C12orf42: variants seen among roughly 807,000 people sequenced by gnomAD.
C12orf42 encodes uncharacterized protein C12orf42.
Under a neutral mutation model 21.6 loss-of-function variants are expected in C12orf42, and 25 were observed. The observed-to-expected ratio is 1.16, with a 90% CI of 0.84 to 1.62. The LOEUF is 1.62. C12orf42 is among the 40% of genes most tolerant of loss of function. C12orf42 has a pLI of 0.00. For missense variants in C12orf42, 483 were observed against 459.3 expected, an observed-to-expected ratio of 1.05 and a Z score of -0.47; for synonymous variants, 174 against 175.0, an observed-to-expected ratio of 0.99 and a Z score of 0.05.
In C12orf42 at chr12:103,431,862, G is replaced by T. The variant is rs528853673; in HGVS notation, c.79-30187C>A. 5.3e-5 allele frequency among the ~76,000 whole-genome samples: 8 copies of T among 152,316 alleles called. No individual in the cohort carries two copies. The South Asian group carries it at 1.4e-3, about 28-fold the overall frequency. The stretch of plus-strand genomic sequence containing the variant: ...TCAATTCTTGCCTCCTCAGGAGAAA[G>T]AATTTAACTGAGGGGCATAAGGCAG... On this transcript the variant is annotated intron_variant, in intron 2 of 5. Coordinates refer to ENST00000548883, the MANE Select transcript of C12orf42 (RefSeq NM_198521.5).
the C12orf42 span, among the ~76,000 whole-genome samples, chr12:103,147,984 A>G: frequency 6.6e-6 from 1 of 152,176 alleles, no homozygotes; most frequent in South Asian, 2.1e-4. Context: ...TGTTGGTAGC[A>G]TCCCCTCCCT....
chr12:103,182,210 T>C, the C12orf42 span, among the ~76,000 whole-genome samples: 4 of 152,156 alleles, frequency 2.6e-5, no homozygotes, highest in African/African-American at 9.7e-5. Flanking sequence ...CTATGTGTGC[T>C]TTTATTAGCC....
chr12:103,251,023 G>A (rs1346866294), intron 10 of C12orf42, among the ~76,000 whole-genome samples: 2 of 152,050 alleles, frequency 1.3e-5, no homozygotes, highest in African/African-American at 2.4e-5. Context: ...GCACTTAAGT[G>A]ACAATCACTC....
At chr12:103,220,040 A>G in the C12orf42 span, among the ~76,000 whole-genome samples, 2 of 152,266 alleles carry the variant, frequency 1.3e-5, no homozygotes, top group African/African-American at 4.8e-5. Context: ...GACTGGATAA[A>G]GAAAATGTGG....
intron 4 of C12orf42, among the ~76,000 whole-genome samples, chr12:103,329,825 T>C (rs964816212): frequency 6.6e-6 from 1 of 151,920 alleles, no homozygotes; most frequent in Non-Finnish European, 1.5e-5. Flanking sequence ...TTTCTATTGC[T>C]ACAAATAGAC....
chr12:103,441,031 A>C, intron 2 of C12orf42, among the ~76,000 whole-genome samples: 1 of 152,160 alleles, frequency 6.6e-6, no homozygotes, highest in Admixed American at 6.6e-5. Context: ...ACTACTTTTC[A>C]TTTACCTAGC....
At chr12:103,440,538 C>G (rs1484008953) in intron 2 of C12orf42, among the ~76,000 whole-genome samples, 1 of 135,866 alleles carries the variant, frequency 7.4e-6, no homozygotes, top group African/African-American at 2.7e-5. Flanking sequence ...TTCAAGAAAG[C>G]AAAATAGACG....
At chr12:103,258,308 C>T (rs937527580) in intron 10 of C12orf42, among the ~76,000 whole-genome samples, 3 of 151,914 alleles carry the variant, frequency 2.0e-5, no homozygotes, top group African/African-American at 7.2e-5. Context: ...ATATAGATAT[C>T]GTAAACTGCC....
chr12:103,114,086 TAACA>T, the C12orf42 span, among the ~76,000 whole-genome samples: 4 of 152,120 alleles, frequency 2.6e-5, no homozygotes, highest in Admixed American at 2.0e-4. Context: ...TTCTAAAAAC[TAACA>T]AACAACCTTT....
rs1462949303 is a variant in C12orf42 at position 103,336,849 on chromosome 12, C to A, written c.260-30504G>T. Among the ~76,000 whole-genome samples the A allele has an allele frequency of 2.0e-5, 3 of 152,102 alleles. 1 individual carries two copies. The highest frequency in any genetic ancestry group is 2.0e-4 in the Admixed American group (3 of 15,264). On this transcript the variant is annotated intron_variant, in intron 4 of 5. Coordinates refer to ENST00000548883, the MANE Select transcript of C12orf42 (RefSeq NM_198521.5). The stretch of plus-strand genomic sequence containing the variant: ...CAAACAATGCATTAGAAATGAGTTT[C>A]CTTTTGCTCCCCACCCTGAGAAGCA...
chr12:103,315,437 C>T (rs1355987344), intron 4 of C12orf42, among the ~76,000 whole-genome samples: 1 of 152,056 alleles, frequency 6.6e-6, no homozygotes. Flanking sequence ...TAACAAATGC[C>T]TTCAATGGGT....
chr12:103,151,544 A>G, the C12orf42 span, among the ~76,000 whole-genome samples: 1 of 152,204 alleles, frequency 6.6e-6, no homozygotes, highest in Non-Finnish European at 1.5e-5. Flanking sequence ...AATGTCAGCA[A>G]TCTCACATGG....
intron 4 of C12orf42, among the ~76,000 whole-genome samples, chr12:103,312,412 GC>G (rs2039057429): frequency 6.6e-6 from 1 of 152,162 alleles, no homozygotes; most frequent in South Asian, 2.1e-4. Context: ...CCATGCCTTG[GC>G]CCACAGAAAA....
chr12:103,053,711 G>A, the C12orf42 span, among the ~76,000 whole-genome samples: 1 of 151,804 alleles, frequency 6.6e-6, no homozygotes, highest in South Asian at 2.1e-4. Flanking sequence ...TTTTTTTAAA[G>A]AGAAGTTTTG....
At chr12:103,103,789 T>C in the C12orf42 span, among the ~76,000 whole-genome samples, 1 of 152,040 alleles carries the variant, frequency 6.6e-6, no homozygotes, top group Non-Finnish European at 1.5e-5. Context: ...GTAATCAATT[T>C]CATATAATAG....
chr12:103,519,717 C>G, the C12orf42 span, among the ~76,000 whole-genome samples: 1 of 152,100 alleles, frequency 6.6e-6, no homozygotes, highest in African/African-American at 2.4e-5. Flanking sequence ...TCCTAGGAAG[C>G]CCCTCACCCC....
At chr12:103,112,687 A>AT in the C12orf42 span, among the ~76,000 whole-genome samples, 1 of 152,088 alleles carries the variant, frequency 6.6e-6, no homozygotes, top group South Asian at 2.1e-4. Flanking sequence ...AAATAATAAT[A>AT]CTTCATTGCT....
chr12:103,331,027 C>A (rs920409087), intron 4 of C12orf42, among the ~76,000 whole-genome samples: 1 of 152,162 alleles, frequency 6.6e-6, no homozygotes, highest in South Asian at 2.1e-4. Flanking sequence ...ATAAAATAAA[C>A]CAATTCTCTA....
chr12:103,277,145 C>T, intron 5 of C12orf42: 1 of 455,730 alleles, frequency 2.2e-6, no homozygotes, highest in Non-Finnish European at 4.4e-6. Flanking sequence ...CCAAACGATA[C>T]TCACTCTTCA....
Sources: gnomAD v4.1 joint callset for allele counts (sites outside exome capture counted in the v4.1 genomes callset) on GRCh38, gnomAD v4.1.1 for gene constraint, MANE v1.5 for transcripts, NCBI Gene and HGNC (gene_info 2026-07-23, HGNC 2026-07-21) for gene names.